Variants in KAT14 observed in about 807,000 individuals in gnomAD.
KAT14 encodes the protein cysteine-rich protein 2-binding protein.
Under a neutral mutation model 78.4 loss-of-function variants are expected in KAT14, and 66 were observed. That is an observed-to-expected ratio of 0.84 (90% CI 0.69 to 1.03). The LOEUF is 1.03. Among genes scored for constraint, KAT14 ranks in the 50% least tolerant of loss-of-function variants. The pLI is 0.00. For synonymous variants in KAT14, 344 were observed against 359.4 expected, an observed-to-expected ratio of 0.96 and a Z score of 0.48; for missense variants, 870 against 972.5, an observed-to-expected ratio of 0.89 and a Z score of 1.40.
In KAT14 at chr20:18,161,724, A is replaced by G; in HGVS notation, c.683-99A>G. 5 of 1,474,634 alleles carry G rather than the reference A, an allele frequency of 3.4e-6. No homozygotes were observed. In the South Asian group the frequency reaches 5.6e-5, roughly 17 times the overall value. 91.3% of individuals were successfully genotyped at this position (1,474,634 alleles called of 1,614,324 possible). ...ATACTCAGCCAATAAGTAAAATGCAAATATTCCAAAAGCCGAAAACATCTG... is the reference window on the plus strand; with the variant it reads ...ATACTCAGCCAATAAGTAAAATGCAGATATTCCAAAAGCCGAAAACATCTG... On this transcript the variant is annotated intron_variant, in intron 5 of 10. Transcript: ENST00000688188.
Position 18,187,412 on chromosome 20 carries a change from G to GA in KAT14, c.2300dup (p.Ser768GlufsTer5). The GA allele has an allele frequency of 3.7e-6, 6 of 1,614,200 alleles. No homozygotes were observed. Among genetic ancestry groups the GA allele is most frequent in the Non-Finnish European group, 5.1e-6 (6 of 1,180,034 alleles). On this transcript the variant is annotated frameshift_variant, in exon 11 of 11. Coordinates refer to ENST00000688188, the MANE Select transcript of KAT14 (RefSeq NM_001392073.1). LOFTEE classifies it high-confidence loss of function. The stretch of plus-strand genomic sequence containing the variant: ...TTTCTATGATAAATATTACCCATTG[G>GA]AGAGTACAGAGTGTAAACACGCATT...
chr20:18,161,726 T>C (rs2038428721), intron 5 of KAT14, 97 bp from the exon 6 acceptor site: 2 of 1,479,412 alleles, frequency 1.4e-6, no homozygotes, highest in Admixed American at 2.5e-5. Flanking sequence ...AAAATGCAAA[T>C]ATTCCAAAAG....
chr20:18,169,639 AT>A (rs1246578233), intron 7 of KAT14, among the ~76,000 whole-genome samples: 1 of 152,232 alleles, frequency 6.6e-6, no homozygotes, highest in Non-Finnish European at 1.5e-5. Context: ...TGAGACAACA[AT>A]ATTGGAATTA....
chr20:18,173,199 A>C (rs1030008558), intron 7 of KAT14, among the ~76,000 whole-genome samples: 14 of 152,142 alleles, frequency 9.2e-5, no homozygotes, highest in African/African-American at 3.1e-4. Flanking sequence ...TCACTGTGAG[A>C]ACCTGGTCCA....
rs896097771 is a variant in KAT14, at chr20:18,166,179, T to C, written c.1668+3234T>C. 7.2e-5 allele frequency among the ~76,000 whole-genome samples: 11 copies of C among 152,270 alleles called. No individual in the cohort carries two copies. In the East Asian group the frequency reaches 1.5e-3, roughly 21 times the overall value. On this transcript the variant is annotated intron_variant, in intron 7 of 10. Transcript: ENST00000688188. Reference sequence around the variant, plus strand: ...TGCTCAGTTGCAGATGGAACAAAGGTGAGAGCACACTTGAACACAGGAAAA... The same window carrying C: ...TGCTCAGTTGCAGATGGAACAAAGGCGAGAGCACACTTGAACACAGGAAAA...
intron 4 of KAT14, among the ~76,000 whole-genome samples, chr20:18,151,260 G>A (rs1226122491): frequency 2.0e-5 from 3 of 152,050 alleles, no homozygotes; most frequent in Admixed American, 2.0e-4. Context: ...GCAGTGGCGT[G>A]ATCTCGGCAC....
intron 3 of KAT14, among the ~76,000 whole-genome samples, chr20:18,149,617 G>C (rs1227910151): frequency 6.6e-6 from 1 of 152,178 alleles, no homozygotes; most frequent in Non-Finnish European, 1.5e-5. Context: ...TGTGAATACA[G>C]ATGTTGGGGG....
At chr20:18,173,851 T>C (rs2038940493) in intron 7 of KAT14, among the ~76,000 whole-genome samples, 1 of 152,242 alleles carries the variant, frequency 6.6e-6, no homozygotes. Context: ...ACAGTTCATA[T>C]ACCTTACAAT....
Position 18,159,075 on chromosome 20 carries a change from A to G in KAT14, c.501-9A>G, listed in dbSNP as rs768151869. ...GTGCCAATCATTTTTAAATTCTTGG[A>G]CTCTTTAGGAAAAAGACGTCTACCT... On this transcript the variant is annotated splice_polypyrimidine_tract_variant and intron_variant, in intron 4 of 10. Coordinates refer to ENST00000688188, the MANE Select transcript of KAT14 (RefSeq NM_001392073.1). 2 of 1,590,300 alleles carry G rather than the reference A, an allele frequency of 1.3e-6. No homozygotes were observed. Among genetic ancestry groups the G allele is most frequent in the Non-Finnish European group, 1.7e-6 (2 of 1,173,150 alleles).
In KAT14 at chr20:18,142,573, G is replaced by T; in HGVS notation, c.-88G>T. ...ACACTTTTTGGAAGAGTCTGTCTGG[G>T]TGATCCTGGTAGAAGCCCCATTAGG... On this transcript the variant is annotated 5_prime_UTR_variant, in exon 2 of 11. Transcript: ENST00000688188. 6.4e-7 allele frequency: 1 copy of T among 1,563,060 alleles called. No homozygotes were observed. Among genetic ancestry groups the T allele is most frequent in the East Asian group, 2.3e-5 (1 of 44,136 alleles).
At chr20:18,167,923 C>CT (rs1215144924) in intron 7 of KAT14, among the ~76,000 whole-genome samples, 1 of 151,848 alleles carries the variant, frequency 6.6e-6, no homozygotes, top group African/African-American at 2.4e-5. Flanking sequence ...GCACTTATCT[C>CT]TTTTTTTCTT....
At chr20:18,186,535 G>A (rs1320670076) in intron 10 of KAT14, among the ~76,000 whole-genome samples, 1 of 152,172 alleles carries the variant, frequency 6.6e-6, no homozygotes, top group Non-Finnish European at 1.5e-5. Flanking sequence ...AAATCTCAAG[G>A]ACTCTATCAA....
At chr20:18,140,464 G>A (rs947785324) in intron 1 of KAT14, among the ~76,000 whole-genome samples, 6 of 151,906 alleles carry the variant, frequency 3.9e-5, no homozygotes, top group African/African-American at 7.3e-5. Context: ...ACAAACATAC[G>A]CAGGCCCTGG....
chr20:18,158,948 G>A, intron 4 of KAT14, 136 bp from the exon 5 acceptor site: 1 of 1,070,444 alleles, frequency 9.3e-7, no homozygotes, highest in Non-Finnish European at 1.3e-6. Flanking sequence ...CCTCTCTCCT[G>A]CCTCTCGTGC....
At chr20:18,150,002 A>G (rs1488626228) in intron 3 of KAT14, among the ~76,000 whole-genome samples, 1 of 152,214 alleles carries the variant, frequency 6.6e-6, no homozygotes, top group Non-Finnish European at 1.5e-5. Flanking sequence ...GTATCTGAGT[A>G]TAGATGCAAA....
intron 7 of KAT14, among the ~76,000 whole-genome samples, chr20:18,172,618 T>A (rs1433056202): frequency 1.3e-5 from 2 of 152,196 alleles, no homozygotes; most frequent in Non-Finnish European, 2.9e-5. Flanking sequence ...TGCAGCTTGC[T>A]TTATTATGAC....
chr20:18,164,331 G>T (rs1421253632), intron 7 of KAT14, among the ~76,000 whole-genome samples: 1 of 152,154 alleles, frequency 6.6e-6, no homozygotes, highest in Non-Finnish European at 1.5e-5. Flanking sequence ...AGCCTCTCCA[G>T]TCTTCTGCCC....
At chr20:18,153,245 C>A (rs2038111538) in intron 4 of KAT14, among the ~76,000 whole-genome samples, 1 of 152,084 alleles carries the variant, frequency 6.6e-6, no homozygotes, top group Non-Finnish European at 1.5e-5. Context: ...AGGAGGGTGA[C>A]CTGCAGGCTG....
At chr20:18,147,026 G>A (rs1251204686) in intron 3 of KAT14, among the ~76,000 whole-genome samples, 1 of 152,074 alleles carries the variant, frequency 6.6e-6, no homozygotes, top group Non-Finnish European at 1.5e-5. Context: ...ATAATAAACA[G>A]ATCAACAAGA....
Sources: allele counts gnomAD v4.1 joint callset (sites outside exome capture counted in the v4.1 genomes callset), GRCh38; gene constraint gnomAD v4.1.1; transcripts MANE v1.5; gene names NCBI Gene and HGNC (gene_info 2026-07-23, HGNC 2026-07-21).